Variants in LIPK observed in about 807,000 individuals in gnomAD.
LIPK encodes lipase member K.
Under a neutral mutation model 48.6 loss-of-function variants are expected in LIPK, and 32 were observed. The observed-to-expected ratio is 0.66, with a 90% CI of 0.50 to 0.88. LIPK has a LOEUF of 0.88. Among genes scored for constraint, LIPK ranks in the 40% least tolerant of loss-of-function variants. The pLI is 0.00. For missense variants in LIPK, 507 were observed against 478.5 expected, an observed-to-expected ratio of 1.06 and a Z score of -0.56; for synonymous variants, 164 against 157.4, an observed-to-expected ratio of 1.04 and a Z score of -0.32.
intron 2 of LIPK, among the ~76,000 whole-genome samples, chr10:88,725,259 A>T (rs1005345948): frequency 2.6e-5 from 4 of 152,270 alleles, no homozygotes; most frequent in African/African-American, 9.6e-5. Flanking sequence ...TTTCATTAGT[A>T]TCTCTTCTTG....
intron 3 of LIPK, 35 bp downstream of exon 3, chr10:88,726,947 TA>T: frequency 8.1e-7 from 1 of 1,241,492 alleles, no homozygotes; most frequent in South Asian, 1.3e-5. Flanking sequence ...GAAAAATACT[TA>T]AAGCAGAGGT....
chr10:88,722,026 G>A (rs968194611), intron 1 of LIPK, among the ~76,000 whole-genome samples: 3 of 152,150 alleles, frequency 2.0e-5, no homozygotes, highest in Non-Finnish European at 2.9e-5. Flanking sequence ...GGCCAGGTGC[G>A]GTGGCTCACT....
At position 88,707,378 on chromosome 10, in the gene LIPK, A is replaced by C. The variant is rs11202824; in HGVS notation, c.-12+1058A>C. On this transcript the variant is annotated intron_variant, in intron 1 of 9. Coordinates refer to ENST00000404190, the MANE Select transcript of LIPK (RefSeq NM_001080518.2). ...TTACTTTGTAAGGACATTGAGGGAA[A>C]AATTATTTCCTTCACTGCTCTTCCT... Among the ~76,000 whole-genome samples the C allele has an allele frequency of 2.4e-3, 370 of 152,214 alleles. 5 individuals carry two copies. The East Asian group carries it at 0.053, about 22-fold the overall frequency.
chr10:88,711,405 T>C (rs1842024093), intron 1 of LIPK, among the ~76,000 whole-genome samples: 1 of 152,206 alleles, frequency 6.6e-6, no homozygotes, highest in Non-Finnish European at 1.5e-5. Flanking sequence ...TGTACTCTTT[T>C]AGCCAAAATT....
intron 1 of LIPK, among the ~76,000 whole-genome samples, chr10:88,712,810 GAGAGAA>G (rs1842049149): frequency 6.6e-6 from 1 of 152,148 alleles, no homozygotes; most frequent in Admixed American, 6.5e-5. Flanking sequence ...GGGAAGAAGA[GAGAGAA>G]AGAGAAAGCT....
At chr10:88,717,967 T>C (rs1249813610) in intron 1 of LIPK, among the ~76,000 whole-genome samples, 1 of 151,854 alleles carries the variant, frequency 6.6e-6, no homozygotes, top group Non-Finnish European at 1.5e-5. Flanking sequence ...ATTTTCTGTC[T>C]CTCTCTTGGG....
Position 88,737,702 on chromosome 10 carries a change from G to C in LIPK, c.737G>C (p.Cys246Ser). ...GACCAATTCATTGCCACCAAAGTGT[G>C]CAATCGAAAGCTATTCCGTCGTATT... ...LFDQFIATKV[C>S]NRKLFRRICS... Residue 246 changes from cysteine to serine, a missense_variant, in exon 7 of 10, where the codon TGC becomes TCC. Coordinates refer to ENST00000404190, the MANE Select transcript of LIPK (RefSeq NM_001080518.2). The C allele has an allele frequency of 6.2e-7, 1 of 1,613,862 alleles. No homozygotes were observed. Among genetic ancestry groups the C allele is most frequent in the South Asian group, 1.1e-5 (1 of 91,076 alleles).
At chr10:88,747,663 A>G (rs537788738) in intron 9 of LIPK, among the ~76,000 whole-genome samples, 204 of 152,260 alleles carry the variant, frequency 1.3e-3, no homozygotes, top group African/African-American at 4.2e-3. Flanking sequence ...AAAAAGCTCA[A>G]CATCACTGAT....
intron 1 of LIPK, among the ~76,000 whole-genome samples, chr10:88,718,544 G>T (rs1336107663): frequency 1.3e-5 from 2 of 151,226 alleles, no homozygotes; most frequent in Non-Finnish European, 2.9e-5. Context: ...TCATTTTTCT[G>T]GGCCCTATCC....
At chr10:88,706,631 A>T (rs1241904066) in intron 1 of LIPK, among the ~76,000 whole-genome samples, 1 of 152,084 alleles carries the variant, frequency 6.6e-6, no homozygotes, top group Non-Finnish European at 1.5e-5. Flanking sequence ...AATTTTATGA[A>T]CCTCTCTTTT....
chr10:88,716,356 CTTTTTTTTTTTTT>C (rs11374780), intron 1 of LIPK, among the ~76,000 whole-genome samples: 1 of 120,338 alleles, frequency 8.3e-6, no homozygotes, highest in Non-Finnish European at 1.7e-5. Context: ...AGGAAAATTT[CTTTTTTTTTTTTT>C]TTTTTTGAGA....
intron 3 of LIPK, chr10:88,728,919 T>A: frequency 5.6e-6 from 1 of 179,064 alleles, no homozygotes; most frequent in Non-Finnish European, 1.2e-5. Context: ...CCCAAGTGAA[T>A]GTCCACGGCA....
intron 3 of LIPK, among the ~76,000 whole-genome samples, chr10:88,729,311 C>T (rs576480971): frequency 3.7e-4 from 55 of 146,750 alleles, no homozygotes; most frequent in Non-Finnish European, 7.0e-4. Context: ...CTCTTGCTTT[C>T]TTCTCTCTCT....
At chr10:88,723,347 A>T (rs1842270051) in intron 1 of LIPK, among the ~76,000 whole-genome samples, 1 of 151,128 alleles carries the variant, frequency 6.6e-6, no homozygotes, top group African/African-American at 2.5e-5. Context: ...TTGCTGCCAT[A>T]GAGTTGCACC....
chr10:88,728,569 C>A, intron 3 of LIPK: 1 of 446,250 alleles, frequency 2.2e-6, no homozygotes, highest in Non-Finnish European at 4.4e-6. Context: ...CAGGAGAGGG[C>A]GCCGTAGCTT....
intron 3 of LIPK, among the ~76,000 whole-genome samples, 159 bp from the exon 4 acceptor site, chr10:88,730,820 TTACC>T (rs1842449488): frequency 6.6e-6 from 1 of 152,208 alleles, no homozygotes; most frequent in African/African-American, 2.4e-5. Flanking sequence ...CTTAAATAAC[TTACC>T]CAAGTAAGTA....
intron 9 of LIPK, among the ~76,000 whole-genome samples, chr10:88,746,453 G>T (rs1033066477): frequency 2.0e-5 from 3 of 151,888 alleles, no homozygotes; most frequent in African/African-American, 7.3e-5. Context: ...TACAATAAAA[G>T]TAGAAATCAA....
chr10:88,719,956 T>A (rs1842191058), intron 1 of LIPK, among the ~76,000 whole-genome samples: 1 of 152,206 alleles, frequency 6.6e-6, no homozygotes, highest in African/African-American at 2.4e-5. Flanking sequence ...CCACATGCAT[T>A]TGATATACAA....
At chr10:88,722,244 G>A (rs545426223) in intron 1 of LIPK, among the ~76,000 whole-genome samples, 4 of 152,230 alleles carry the variant, frequency 2.6e-5, no homozygotes, top group South Asian at 2.1e-4. Flanking sequence ...GCAGTGAGCC[G>A]GGGTCGCACC....
Sources: allele counts gnomAD v4.1 joint callset (sites outside exome capture counted in the v4.1 genomes callset), GRCh38; gene constraint gnomAD v4.1.1; transcripts MANE v1.5; gene names NCBI Gene and HGNC (gene_info 2026-07-23, HGNC 2026-07-21).